The following SMYD2 variants were observed in gnomAD, a reference collection of about 807,000 sequenced individuals.
The protein encoded by SMYD2 is N-lysine methyltransferase SMYD2.
A neutral mutation model predicts 59.1 loss-of-function variants in SMYD2; 53 were observed. The ratio of observed to expected loss-of-function variants is 0.90; its 90% CI spans 0.72 to 1.13. The LOEUF (loss-of-function observed/expected upper bound fraction) is 1.13, where lower values mean the gene tolerates loss of function less well. Ranked by LOEUF, SMYD2 falls within the 50% of genes most tolerant of loss-of-function variation. The pLI, the probability that SMYD2 is intolerant of heterozygous loss-of-function variation, is 0.00. For missense variants in SMYD2, 494 were observed against 544.7 expected (o/e 0.91, Z 0.93); for synonymous variants, 208 against 198.8 (o/e 1.05, Z -0.39).
intron 6 of SMYD2, among the ~76,000 whole-genome samples, chr1:214,325,265 G>A (rs1344345752): frequency 6.6e-6 from 1 of 152,242 alleles, no homozygotes; most frequent in African/African-American, 2.4e-5. Context: ...GCAAAGGCTA[G>A]CCAGTTGACA....
chr1:214,292,506 G>T (rs746572241), intron 1 of SMYD2, among the ~76,000 whole-genome samples: 1 of 152,060 alleles, frequency 6.6e-6, no homozygotes, highest in Non-Finnish European at 1.5e-5. Context: ...CATGAACTAG[G>T]TCTTACTCAT....
At chr1:214,290,843 C>A (rs180673450) in intron 1 of SMYD2, among the ~76,000 whole-genome samples, 1 of 152,278 alleles carries the variant, frequency 6.6e-6, no homozygotes, top group East Asian at 1.9e-4. Context: ...AAGAAAGACT[C>A]TTCAGGGATG....
rs190432019 is a variant in SMYD2, at chr1:214,314,924, A to T, written c.348+52A>T. The T allele has an allele frequency of 4.2e-6, 6 of 1,412,186 alleles. No individual in the cohort carries two copies. The Admixed American group carries it at 1.0e-4, about 25-fold the overall frequency. 87.5% of individuals were successfully genotyped at this position (1,412,186 alleles called of 1,614,324 possible). On this transcript the variant is annotated intron_variant, in intron 3 of 11. Coordinates refer to ENST00000366957, the MANE Select transcript of SMYD2 (RefSeq NM_020197.3). Reference sequence around the variant, plus strand: ...GCATTTTATTTTGTTTTTCTTTTAAAGGTCAGAAAGATGAGTAACTGACCT... The same window carrying T: ...GCATTTTATTTTGTTTTTCTTTTAATGGTCAGAAAGATGAGTAACTGACCT...
In SMYD2 at chr1:214,287,705, A is replaced by C. The variant is rs79388581; in HGVS notation, c.173+6278A>C. Among the ~76,000 whole-genome samples, 1,379 of 152,098 alleles carry C rather than the reference A, an allele frequency of 9.1e-3. 31 individuals carry two copies. Among genetic ancestry groups the C allele is most frequent in the African/African-American group, 0.032 (1,316 of 41,494 alleles). ...TGGGATTAGTTTTCAGTATTTTTCA[A>C]AACCTAATGGAAATAATATAATATA... On this transcript the variant is annotated intron_variant, in intron 1 of 11. Transcript: ENST00000366957.
intron 1 of SMYD2, among the ~76,000 whole-genome samples, chr1:214,295,687 C>G (rs1235766523): frequency 6.6e-6 from 1 of 152,204 alleles, no homozygotes; most frequent in African/African-American, 2.4e-5. Context: ...GGAAGAAGCC[C>G]CCCGCTGCAC....
chr1:214,305,713 GA>G (rs1656905922), intron 2 of SMYD2, among the ~76,000 whole-genome samples: 1 of 106,184 alleles, frequency 9.4e-6, no homozygotes, highest in African/African-American at 4.8e-5. Flanking sequence ...TGTATAGCCA[GA>G]GGGGGGGCTA....
intron 2 of SMYD2, among the ~76,000 whole-genome samples, chr1:214,306,724 A>G (rs184268525): frequency 1.3e-5 from 2 of 152,350 alleles, no homozygotes; most frequent in East Asian, 3.9e-4. Context: ...TTCTATATGT[A>G]AGTTAAACAC....
intron 1 of SMYD2, among the ~76,000 whole-genome samples, chr1:214,304,176 C>G (rs1272384639): frequency 6.6e-6 from 1 of 151,902 alleles, no homozygotes; most frequent in Non-Finnish European, 1.5e-5. Flanking sequence ...TGAATCGACC[C>G]CATTATGAAG....
At chr1:214,325,548 G>A (rs1489151970) in intron 6 of SMYD2, among the ~76,000 whole-genome samples, 1 of 152,204 alleles carries the variant, frequency 6.6e-6, no homozygotes, top group African/African-American at 2.4e-5. Context: ...TAATACTCAT[G>A]CATTTGCCCT....
intron 1 of SMYD2, among the ~76,000 whole-genome samples, chr1:214,298,020 CAA>C (rs944497340): frequency 3.3e-5 from 5 of 152,128 alleles, no homozygotes; most frequent in African/African-American, 1.2e-4. Flanking sequence ...ACCAAACTAC[CAA>C]AGTCATTTTT....
intron 9 of SMYD2, 43 bp downstream of exon 9, chr1:214,331,113 A>T: frequency 6.2e-7 from 1 of 1,605,346 alleles, no homozygotes; most frequent in South Asian, 1.1e-5. Context: ...TCCCTCGCCA[A>T]CAAGGCAAGG....
At chr1:214,296,886 T>C (rs989702007) in intron 1 of SMYD2, among the ~76,000 whole-genome samples, 1 of 152,222 alleles carries the variant, frequency 6.6e-6, no homozygotes, top group African/African-American at 2.4e-5. Flanking sequence ...TCTTAAAACT[T>C]GCACCTGCTT....
At chr1:214,332,411 C>A (rs890502210) in intron 10 of SMYD2, 9 of 519,428 alleles carry the variant, frequency 1.7e-5, no homozygotes, top group African/African-American at 1.7e-4. Context: ...GCAGCGGATA[C>A]TGGGGCAAGA....
At chr1:214,331,232 TG>T in intron 9 of SMYD2, 162 bp downstream of exon 9, 1 of 1,017,148 alleles carries the variant, frequency 9.8e-7, no homozygotes, top group Non-Finnish European at 1.4e-6. Context: ...ACCCACAATG[TG>T]GTGTCCATCC....
chr1:214,332,639 T>G (rs962332134), intron 10 of SMYD2: 1 of 154,150 alleles, frequency 6.5e-6, no homozygotes, highest in Non-Finnish European at 1.4e-5. Flanking sequence ...CTGGGACCAG[T>G]GGGTTGACCG....
chr1:214,297,542 C>T (rs1158442717), intron 1 of SMYD2, among the ~76,000 whole-genome samples: 1 of 152,126 alleles, frequency 6.6e-6, no homozygotes. Context: ...GTCGAACACT[C>T]ATAGGATCTC....
intron 1 of SMYD2, among the ~76,000 whole-genome samples, chr1:214,284,651 C>A (rs980752695): frequency 2.0e-5 from 3 of 151,682 alleles, no homozygotes; most frequent in African/African-American, 7.3e-5. Flanking sequence ...ACTGCAACCT[C>A]CGCCTCCCGG....
intron 5 of SMYD2, 32 bp from the exon 6 acceptor site, chr1:214,324,609 T>A (rs1657232696): frequency 6.4e-7 from 1 of 1,569,402 alleles, no homozygotes. Flanking sequence ...CTCCAGCTCA[T>A]TTTTTTCCTT....
intron 5 of SMYD2, 96 bp downstream of exon 5, chr1:214,319,079 A>T: frequency 6.9e-7 from 1 of 1,447,916 alleles, no homozygotes; most frequent in South Asian, 1.3e-5. Flanking sequence ...TGCAAATAGA[A>T]TGATGGCATC....
Sources: allele counts gnomAD v4.1 joint callset (sites outside exome capture counted in the v4.1 genomes callset), GRCh38; gene constraint gnomAD v4.1.1; transcripts MANE v1.5; gene names NCBI Gene and HGNC (gene_info 2026-07-23, HGNC 2026-07-21).